Variants in EIF3D observed in about 807,000 individuals in gnomAD.
EIF3D encodes eIF3 p66.
A neutral mutation model predicts 75.4 loss-of-function variants in EIF3D; 10 were observed. The observed-to-expected ratio is 0.13, with a 90% CI of 0.08 to 0.22. The LOEUF is 0.22. EIF3D is among the 10% of genes least tolerant of loss of function. The pLI, the probability that EIF3D is intolerant of heterozygous loss-of-function variation, is 1.00. For missense variants in EIF3D, 394 were observed against 708.0 expected, an observed-to-expected ratio of 0.56 and a Z score of 5.03; for synonymous variants, 246 against 248.3, an observed-to-expected ratio of 0.99 and a Z score of 0.09.
At position 36,510,877 on chromosome 22, in the gene EIF3D, T is replaced by G; in HGVS notation, c.*110A>C. ...AGGGAAAGACTAAACAGATATATAT[T>G]TTATTTCATCTGCTAAATGTCAGAG... On this transcript the variant is annotated 3_prime_UTR_variant, in exon 15 of 15. Coordinates refer to ENST00000216190, the MANE Select transcript of EIF3D (RefSeq NM_003753.4). The G allele has an allele frequency of 7.6e-7, 1 of 1,313,610 alleles. No homozygotes were observed. The highest frequency in any genetic ancestry group is 1.6e-5 in the South Asian group (1 of 64,336). 81.4% of individuals were successfully genotyped at this position (1,313,610 alleles called of 1,614,324 possible).
intron 7 of EIF3D, among the ~76,000 whole-genome samples, chr22:36,520,266 C>T (rs1279936964): frequency 1.3e-5 from 2 of 151,858 alleles, no homozygotes; most frequent in African/African-American, 2.4e-5. Flanking sequence ...AAGTGATTCT[C>T]GTGCCTCAGC....
intron 12 of EIF3D, among the ~76,000 whole-genome samples, chr22:36,514,356 C>T (rs1934389936): frequency 6.6e-6 from 1 of 152,206 alleles, no homozygotes; most frequent in Admixed American, 6.5e-5. Context: ...GAGTCTCCTC[C>T]CCTTGACTAC....
chr22:36,512,010 C>T (rs1244573716), intron 13 of EIF3D, among the ~76,000 whole-genome samples: 1 of 151,862 alleles, frequency 6.6e-6, no homozygotes, highest in Non-Finnish European at 1.5e-5. Context: ...CCTGCCTCAG[C>T]CCCCTGAGTA....
At chr22:36,528,683 C>T (rs1934648285) in intron 1 of EIF3D, 1 of 151,956 alleles carries the variant, frequency 6.6e-6, no homozygotes, top group Admixed American at 6.6e-5. Context: ...AACCTATGCA[C>T]TGTGAATTCC....
chr22:36,517,357 G>A lies in EIF3D; in HGVS notation c.934C>T (p.Leu312=), dbSNP rs757501162. The change falls in exon 10 of 15, where the codon CTG becomes TTG. Residue 312 remains leucine (L), a synonymous_variant. Coordinates refer to ENST00000216190, the MANE Select transcript of EIF3D (RefSeq NM_003753.4). The part of the protein sequence containing the change: ...EGNSFNSPRN[L]AMEATYINHN... The stretch of plus-strand genomic sequence containing the variant: ...TTGATGTAGGTTGCCTCCATGGCCA[G>A]GTTGCGGGGTGAATTGAAGGAATTA... 3.1e-6 allele frequency: 5 copies of A among 1,613,934 alleles called. No homozygotes were observed. The African/African-American group carries it at 6.7e-5, about 22-fold the overall frequency.
chr22:36,518,494 T>TA (rs66811304), intron 9 of EIF3D, among the ~76,000 whole-genome samples: 62,653 of 144,074 alleles, frequency 0.43, 15,129 homozygotes, highest in Admixed American at 0.56. Flanking sequence ...CTGTCTCAAT[T>TA]AAAAAAAAAA....
At chr22:36,522,277 C>A (rs1407621278) in intron 6 of EIF3D, among the ~76,000 whole-genome samples, 1 of 152,086 alleles carries the variant, frequency 6.6e-6, no homozygotes, top group Middle Eastern at 3.2e-3. Flanking sequence ...TCACTTGAAC[C>A]CAGCAGGCAG....
intron 9 of EIF3D, among the ~76,000 whole-genome samples, chr22:36,518,445 C>T (rs942699288): frequency 1.1e-4 from 17 of 151,346 alleles, no homozygotes; most frequent in Admixed American, 3.3e-4. Flanking sequence ...GCCAAGACTG[C>T]GCCACTGCAC....
At chr22:36,513,826 G>T (rs868392589) in intron 12 of EIF3D, among the ~76,000 whole-genome samples, 4 of 152,210 alleles carry the variant, frequency 2.6e-5, no homozygotes, top group South Asian at 2.1e-4. Context: ...GAGTAGCTAG[G>T]ACTATAGGTG....
At position 36,524,749 on chromosome 22, in the gene EIF3D, T is replaced by G; in HGVS notation, c.170-17A>C. ...AGTACTTATCTGGAGGCAAAGGTGA[T>G]GGCATGTAGTAACTGCACCCACAGA... On this transcript the variant is annotated splice_polypyrimidine_tract_variant and intron_variant, in intron 3 of 14. Coordinates refer to ENST00000216190, the MANE Select transcript of EIF3D (RefSeq NM_003753.4). 1 of 1,614,228 alleles carries G rather than the reference T, an allele frequency of 6.2e-7. No individual in the cohort carries two copies. Among genetic ancestry groups the G allele is most frequent in the Non-Finnish European group, 8.5e-7 (1 of 1,180,046 alleles).
At chr22:36,517,215 C>T (rs1213505735) in intron 10 of EIF3D, 86 bp downstream of exon 10, 1 of 1,590,240 alleles carries the variant, frequency 6.3e-7, no homozygotes, top group African/African-American at 1.3e-5. Flanking sequence ...AGTCCCACAA[C>T]CAAGAGCCTA....
At chr22:36,515,243 G>A (rs1271445055) in intron 12 of EIF3D, among the ~76,000 whole-genome samples, 3 of 152,174 alleles carry the variant, frequency 2.0e-5, no homozygotes, top group Non-Finnish European at 4.4e-5. Context: ...AATTGGTATT[G>A]TTAGGCCGGG....
rs755293151 is a variant in EIF3D, at chr22:36,523,236, A to G, written c.438T>C (p.Val146=). The G allele has an allele frequency of 6.2e-7, 1 of 1,614,054 alleles. No homozygotes were observed. The highest frequency in any genetic ancestry group is 1.1e-5 in the South Asian group (1 of 91,080). Residue 146 remains valine, a synonymous_variant, in exon 6 of 15, where the codon GTT becomes GTC. Transcript: ENST00000216190. ...GTGATTTCTGATCCCATTTCTGCCT[A>G]ACCCCAAATTGTTTCTGGAACTTTT... ...LQKKFQKQFG[V]RQKWDQKSQK... is the part of the protein sequence containing the mutation.
intron 12 of EIF3D, among the ~76,000 whole-genome samples, chr22:36,514,271 T>A (rs1032258374): frequency 6.6e-6 from 1 of 152,114 alleles, no homozygotes; most frequent in East Asian, 1.9e-4. Context: ...TGAGAAATCA[T>A]TTTCAAAGAG....
At chr22:36,516,847 A>G in intron 10 of EIF3D, 57 bp from the exon 11 acceptor site, 14 of 1,503,228 alleles carry the variant, frequency 9.3e-6, no homozygotes, top group Non-Finnish European at 1.3e-5. Context: ...GGCCAAGGCC[A>G]ATCAGTCAGA....
chr22:36,524,093 CA>C, intron 4 of EIF3D, 113 bp from the exon 5 acceptor site: 1 of 1,038,692 alleles, frequency 9.6e-7, no homozygotes, highest in Non-Finnish European at 1.5e-6. Context: ...CCAAGTTTCA[CA>C]TCTTACTCTG....
At chr22:36,518,461 C>T (rs1263209538) in intron 9 of EIF3D, among the ~76,000 whole-genome samples, 3 of 151,526 alleles carry the variant, frequency 2.0e-5, no homozygotes, top group Non-Finnish European at 4.4e-5. Context: ...TGCACTCCAG[C>T]CTGGGTGACA....
At chr22:36,526,310 T>C (rs1934598553) in intron 1 of EIF3D, among the ~76,000 whole-genome samples, 179 bp from the exon 2 acceptor site, 1 of 152,246 alleles carries the variant, frequency 6.6e-6, no homozygotes, top group Non-Finnish European at 1.5e-5. Context: ...GAATATGTAC[T>C]TAAAACTGAG....
intron 4 of EIF3D, 149 bp from the exon 5 acceptor site, chr22:36,524,129 G>T: frequency 1.3e-6 from 1 of 784,944 alleles, no homozygotes; most frequent in South Asian, 1.6e-5. Context: ...GGCATCAACA[G>T]CTTGGGGGTG....
Sources: allele counts gnomAD v4.1 joint callset (sites outside exome capture counted in the v4.1 genomes callset), GRCh38; gene constraint gnomAD v4.1.1; transcripts MANE v1.5; gene names NCBI Gene and HGNC (gene_info 2026-07-23, HGNC 2026-07-21).